Variants in TLL1 observed in about 807,000 individuals in gnomAD.
TLL1 encodes the protein tolloid-like protein 1.
TLL1 carries 49 observed loss-of-function variants against 128.2 expected under a neutral mutation model. That is an observed-to-expected ratio of 0.38 (90% CI 0.30 to 0.48). The LOEUF is 0.48. Among genes scored for constraint, TLL1 ranks in the 20% least tolerant of loss-of-function variants. The pLI is 0.96. For synonymous variants in TLL1, 454 were observed against 418.8 expected (o/e 1.08, Z -1.03); for missense variants, 1,123 against 1,242.0 (o/e 0.90, Z 1.44).
At chr4:165,876,885 A>G (rs1291496175) in intron 1 of TLL1, among the ~76,000 whole-genome samples, 1 of 152,226 alleles carries the variant, frequency 6.6e-6, no homozygotes, top group Non-Finnish European at 1.5e-5. Context: ...AGGTGAAGCG[A>G]AGATCATAGC....
intron 1 of TLL1, among the ~76,000 whole-genome samples, chr4:165,940,413 G>T (rs573775244): frequency 4.6e-5 from 7 of 151,752 alleles, no homozygotes; most frequent in Non-Finnish European, 1.0e-4. Context: ...GAAATCTACT[G>T]AGTGTAAATT....
chr4:166,040,117 T>C (rs750774861), intron 10 of TLL1, among the ~76,000 whole-genome samples: 1 of 152,330 alleles, frequency 6.6e-6, no homozygotes, highest in South Asian at 2.1e-4. Context: ...GTTTGGAGCA[T>C]GCAGGCATCT....
intron 1 of TLL1, among the ~76,000 whole-genome samples, chr4:165,967,235 C>T (rs1366891355): frequency 1.3e-5 from 2 of 152,174 alleles, no homozygotes; most frequent in African/African-American, 2.4e-5. Flanking sequence ...CATCTTGTTC[C>T]TTTGGATGCC....
intron 1 of TLL1, among the ~76,000 whole-genome samples, chr4:165,974,103 T>C (rs918781696): frequency 6.0e-5 from 9 of 150,758 alleles, no homozygotes; most frequent in African/African-American, 1.7e-4. Context: ...CTGCACTCTG[T>C]AACTCTTAGG....
intron 1 of TLL1, among the ~76,000 whole-genome samples, chr4:165,986,302 AT>A (rs1736391252): frequency 6.6e-6 from 1 of 152,100 alleles, no homozygotes; most frequent in Admixed American, 6.6e-5. Context: ...TAAGTAAAAT[AT>A]TTTAGTACAC....
chr4:166,064,319 A>G (rs966539702), intron 15 of TLL1, among the ~76,000 whole-genome samples: 1 of 152,066 alleles, frequency 6.6e-6, no homozygotes, highest in African/African-American at 2.4e-5. Context: ...TTAAGCTATT[A>G]CTGTGTTGGG....
chr4:165,961,271 A>G (rs1735086008), intron 1 of TLL1, among the ~76,000 whole-genome samples: 1 of 152,162 alleles, frequency 6.6e-6, no homozygotes, highest in African/African-American at 2.4e-5. Context: ...AAAGGAGGTG[A>G]AAGATCTATA....
chr4:166,072,480 T>A (rs1421219279), intron 16 of TLL1, among the ~76,000 whole-genome samples: 2 of 151,902 alleles, frequency 1.3e-5, no homozygotes, highest in East Asian at 3.9e-4. Context: ...ATTATTATTT[T>A]TAGCACAACA....
In TLL1 at chr4:166,099,397, G is replaced by A. The variant is rs865776958; in HGVS notation, c.2777G>A (p.Gly926Asp). The change falls in exon 20 of 21, where the codon GGC becomes GAC. Residue 926 changes from glycine to aspartate, a missense_variant. Around this residue, in one of 3 missense-constraint regions of TLL1, gnomAD observed 634 missense variants for 672.4 expected, o/e 0.94. Transcript: ENST00000061240. ...GAATGGCTATTAGTATCAGAACGGG[G>A]CTCTCGACTTGAATTATCCTTCCAG... Reference protein sequence around the residue: ...DCEWLLVSERGSRLELSFQTF... With the variant: ...DCEWLLVSERDSRLELSFQTF... 1.2e-6 allele frequency: 2 copies of A among 1,613,602 alleles called. No homozygotes were observed. Among genetic ancestry groups the A allele is most frequent in the Middle Eastern group, 1.7e-4 (1 of 6,056 alleles).
At chr4:166,017,655 A>G (rs1208439137) in intron 8 of TLL1, among the ~76,000 whole-genome samples, 4 of 150,870 alleles carry the variant, frequency 2.7e-5, no homozygotes, top group African/African-American at 9.7e-5. Context: ...TGGAATTTTA[A>G]ATGTTCAACA....
intron 1 of TLL1, among the ~76,000 whole-genome samples, chr4:165,931,587 T>C (rs542282925): frequency 3.3e-4 from 50 of 151,762 alleles, no homozygotes; most frequent in South Asian, 1.3e-3. Flanking sequence ...GGTGTGGTGG[T>C]GGGCACCTGT....
At chr4:166,056,965 T>C (rs1328094530) in intron 13 of TLL1, among the ~76,000 whole-genome samples, 1 of 152,132 alleles carries the variant, frequency 6.6e-6, no homozygotes, top group Non-Finnish European at 1.5e-5. Context: ...GGTAGTTTTT[T>C]AGAAAGATTT....
At chr4:166,009,924 A>T (rs1737608943) in intron 7 of TLL1, among the ~76,000 whole-genome samples, 1 of 151,462 alleles carries the variant, frequency 6.6e-6, no homozygotes, top group Non-Finnish European at 1.5e-5. Flanking sequence ...ACAGATGTCC[A>T]TAACTTATTC....
chr4:165,942,514 C>T (rs1310650595), intron 1 of TLL1, among the ~76,000 whole-genome samples: 1 of 151,730 alleles, frequency 6.6e-6, no homozygotes, highest in African/African-American at 2.4e-5. Flanking sequence ...TTTGTATCAC[C>T]AGAACGTAAT....
intron 1 of TLL1, among the ~76,000 whole-genome samples, chr4:165,937,710 C>A (rs976388741): frequency 2.6e-5 from 4 of 151,956 alleles, no homozygotes; most frequent in Non-Finnish European, 5.9e-5. Context: ...GGACTAATAG[C>A]AACCACATTT....
intron 1 of TLL1, among the ~76,000 whole-genome samples, chr4:165,893,840 A>T (rs59764891): frequency 0.012 from 1,798 of 152,254 alleles, 32 homozygotes; most frequent in African/African-American, 0.04. Flanking sequence ...CACCTAAAAA[A>T]GCTAGAAAAA....
At chr4:166,030,293 AT>A (rs1245398182) in intron 9 of TLL1, among the ~76,000 whole-genome samples, 41 of 152,110 alleles carry the variant, frequency 2.7e-4, no homozygotes, top group Non-Finnish European at 7.4e-5. Flanking sequence ...CTTAATAGCC[AT>A]TTGTATATCG....
At chr4:166,035,241 C>G (rs1738947623) in intron 9 of TLL1, among the ~76,000 whole-genome samples, 1 of 152,140 alleles carries the variant, frequency 6.6e-6, no homozygotes, top group Admixed American at 6.6e-5. Context: ...AATAATTCAG[C>G]TCTTGGTTTC....
chr4:165,924,650 A>G lies in TLL1; in HGVS notation c.169+50577A>G, dbSNP rs916773678. 2.6e-5 allele frequency among the ~76,000 whole-genome samples: 4 copies of G among 152,204 alleles called. No individual in the cohort carries two copies. In the East Asian group the frequency reaches 5.8e-4, roughly 22 times the overall value. Reference sequence around the variant, plus strand: ...AGCAAGTTATTCAGAAAATCTAGCTAAGATCATTGATGGAGGTGGCCACAC... The same window carrying G: ...AGCAAGTTATTCAGAAAATCTAGCTGAGATCATTGATGGAGGTGGCCACAC... On this transcript the variant is annotated intron_variant, in intron 1 of 20. Transcript: ENST00000061240.
Sources: gnomAD v4.1 joint callset for allele counts (sites outside exome capture counted in the v4.1 genomes callset) on GRCh38, gnomAD v4.1.1 for gene constraint, gnomAD v4.1.1 regional missense constraint, MANE v1.5 for transcripts, NCBI Gene and HGNC (gene_info 2026-07-23, HGNC 2026-07-21) for gene names.